Variants in DENND1B observed in about 807,000 individuals in gnomAD.
DENND1B encodes DENN domain containing 1B, also known as DENN domain-containing protein 1B.
DENND1B carries 59 observed loss-of-function variants against 90.1 expected under a neutral mutation model. The observed-to-expected ratio is 0.65, with a 90% CI of 0.53 to 0.81. The LOEUF (loss-of-function observed/expected upper bound fraction) is 0.81, where lower values mean the gene tolerates loss of function less well. DENND1B is among the 40% of genes least tolerant of loss of function. DENND1B has a pLI of 0.00. For synonymous variants in DENND1B, 337 were observed against 324.6 expected, an observed-to-expected ratio of 1.04 and a Z score of -0.41; for missense variants, 862 against 912.6, an observed-to-expected ratio of 0.94 and a Z score of 0.71.
At chr1:197,605,391 A>G (rs965496760) in intron 13 of DENND1B, 2 of 151,072 alleles carry the variant, frequency 1.3e-5, no homozygotes, top group Non-Finnish European at 3.0e-5. Context: ...ATAAAATTTC[A>G]AAGATTATTT....
At chr1:197,682,722 G>A (rs1463378043) in intron 3 of DENND1B, among the ~76,000 whole-genome samples, 1 of 152,140 alleles carries the variant, frequency 6.6e-6, no homozygotes, top group Non-Finnish European at 1.5e-5. Flanking sequence ...AAAGAGCGGT[G>A]GAGGGGAAGT....
rs1224392973 is a variant in DENND1B at position 197,772,812 on chromosome 1, A to T, written c.82+56T>A. ...TGCACAGCCTGAGGAACAGAATGAG[A>T]TCTTGTCCCAAAAAAAAGAGACCTT... On this transcript the variant is annotated intron_variant, in intron 2 of 22. Coordinates refer to ENST00000620048, the MANE Select transcript of DENND1B (RefSeq NM_001195215.2). The T allele has an allele frequency of 6.9e-6, 10 of 1,439,378 alleles. No homozygotes were observed. In the African/African-American group the frequency reaches 1.3e-4, roughly 19 times the overall value. 89.2% of individuals were successfully genotyped at this position (1,439,378 alleles called of 1,614,324 possible).
chr1:197,763,134 G>T lies in DENND1B; in HGVS notation c.82+9734C>A, dbSNP rs180855389. On this transcript the variant is annotated intron_variant, in intron 2 of 22. Coordinates refer to ENST00000620048, the MANE Select transcript of DENND1B (RefSeq NM_001195215.2). ...AAGACCAGCCTCCACAACAGAGTGA[G>T]ACCCCATCTGTACAAAAAATGTAAA... Among the ~76,000 whole-genome samples the T allele has an allele frequency of 1.1e-3, 173 of 152,208 alleles. 1 individual carries two copies. The highest frequency in any genetic ancestry group is 4.0e-3 in the African/African-American group (166 of 41,522).
At chr1:197,770,239 C>T (rs182927169) in intron 2 of DENND1B, among the ~76,000 whole-genome samples, 1 of 152,044 alleles carries the variant, frequency 6.6e-6, no homozygotes, top group Admixed American at 6.5e-5. Flanking sequence ...TTTACTTTAA[C>T]CATTTATCAT....
At chr1:197,630,443 T>C (rs1271574546) in intron 10 of DENND1B, among the ~76,000 whole-genome samples, 1 of 152,108 alleles carries the variant, frequency 6.6e-6, no homozygotes, top group East Asian at 1.9e-4. Context: ...ATTGCATTTA[T>C]GAGGGCTCAT....
Position 197,512,917 on chromosome 1 carries a change from C to A in DENND1B, c.1552G>T (p.Ala518Ser), listed in dbSNP as rs1571688416. 1 of 1,610,588 alleles carries A rather than the reference C, an allele frequency of 6.2e-7. No individual in the cohort carries two copies. Reference sequence around the variant, plus strand: ...TCATCATCTTCATCATCATATAGAGCACCATCAAGGCTCTTAAGAGGCCTT... The same window carrying A: ...TCATCATCTTCATCATCATATAGAGAACCATCAAGGCTCTTAAGAGGCCTT... ...LKRPLKSLDG[A>S]LYDDEDDDDI... is the part of the protein sequence containing the mutation. The change falls in exon 21 of 23, where the codon GCT becomes TCT. Residue 518 changes from alanine (A) to serine (S), a missense_variant. Physicochemically the swap from Ala to Ser is moderately conservative, Grantham distance 99 (BLOSUM62 1). Transcript: ENST00000620048.
At position 197,648,715 on chromosome 1, in the gene DENND1B, T is replaced by C. The variant is rs1225637387; in HGVS notation, c.448-1601A>G. Among the ~76,000 whole-genome samples the C allele has an allele frequency of 2.0e-5, 3 of 152,204 alleles. No homozygotes were observed. The East Asian group carries it at 5.8e-4, about 29-fold the overall frequency. On this transcript the variant is annotated intron_variant, in intron 7 of 22. Coordinates refer to ENST00000620048, the MANE Select transcript of DENND1B (RefSeq NM_001195215.2). The stretch of plus-strand genomic sequence containing the variant: ...TCCACTGACCATAAACCTTGGATTC[T>C]TTGGGCATCAATGACCTACAAGTCT...
chr1:197,767,684 T>A (rs1655863698), intron 2 of DENND1B, among the ~76,000 whole-genome samples: 1 of 152,188 alleles, frequency 6.6e-6, no homozygotes, highest in Non-Finnish European at 1.5e-5. Flanking sequence ...AATATGAAGA[T>A]GCAAATCCTA....
chr1:197,569,131 AC>A (rs745450071), intron 15 of DENND1B, among the ~76,000 whole-genome samples: 7 of 152,186 alleles, frequency 4.6e-5, no homozygotes, highest in South Asian at 4.1e-4. Flanking sequence ...TGGAAAAAAA[AC>A]ATTGATCATA....
chr1:197,738,116 CCTCT>C, intron 2 of DENND1B, among the ~76,000 whole-genome samples: 1 of 152,290 alleles, frequency 6.6e-6, no homozygotes, highest in Admixed American at 6.5e-5. Flanking sequence ...CATTTCTTCT[CCTCT>C]CTGTCACTGA....
chr1:197,753,724 C>T (rs775693433), intron 2 of DENND1B, among the ~76,000 whole-genome samples: 6 of 152,016 alleles, frequency 3.9e-5, no homozygotes, highest in Non-Finnish European at 7.4e-5. Context: ...TCGATGGCCA[C>T]GCGCGGTGGC....
At chr1:197,596,587 T>A (rs1352635954) in intron 13 of DENND1B, among the ~76,000 whole-genome samples, 1 of 151,878 alleles carries the variant, frequency 6.6e-6, no homozygotes, top group Non-Finnish European at 1.5e-5. Flanking sequence ...CCTTTTTAGG[T>A]ATATATGTGC....
At chr1:197,596,495 G>A (rs528790678) in intron 13 of DENND1B, among the ~76,000 whole-genome samples, 2 of 151,824 alleles carry the variant, frequency 1.3e-5, no homozygotes, top group South Asian at 2.1e-4. Flanking sequence ...AAACTGGTAC[G>A]ACAAATTTTG....
intron 10 of DENND1B, among the ~76,000 whole-genome samples, chr1:197,628,204 G>C (rs1057380179): frequency 6.6e-6 from 1 of 152,100 alleles, no homozygotes; most frequent in African/African-American, 2.4e-5. Context: ...CCAAAAAAGA[G>C]CCCGCATCGC....
intron 15 of DENND1B, among the ~76,000 whole-genome samples, chr1:197,573,117 G>A (rs559480855): frequency 6.6e-6 from 1 of 152,006 alleles, no homozygotes; most frequent in Admixed American, 6.6e-5. Context: ...TTTTTTGAAG[G>A]GTTTTTTTGG....
intron 15 of DENND1B, among the ~76,000 whole-genome samples, chr1:197,566,724 C>T: frequency 6.6e-6 from 1 of 151,476 alleles, no homozygotes; most frequent in Admixed American, 6.6e-5. Flanking sequence ...GTCTACAACA[C>T]AAGAAGGAGC....
intron 6 of DENND1B, 69 bp from the exon 7 acceptor site, chr1:197,652,384 G>A: frequency 8.1e-7 from 1 of 1,234,134 alleles, no homozygotes; most frequent in Non-Finnish European, 1.1e-6. Flanking sequence ...AAAACTATTT[G>A]ATAAAATAAT....
intron 10 of DENND1B, among the ~76,000 whole-genome samples, chr1:197,629,430 G>C (rs1558327270): frequency 6.8e-6 from 1 of 147,008 alleles, no homozygotes; most frequent in Non-Finnish European, 1.5e-5. Flanking sequence ...CGCAAGGACA[G>C]AAAACCAAAC....
chr1:197,522,283 G>A lies in DENND1B; in HGVS notation c.1516-9330C>T, dbSNP rs554362722. On this transcript the variant is annotated intron_variant, in intron 20 of 22. Coordinates refer to ENST00000620048, the MANE Select transcript of DENND1B (RefSeq NM_001195215.2). ...AGATACGTATTTGGTGAAGTCTGAT[G>A]AATTCAGTTGATTAAGGGCTGTTAT... Among the ~76,000 whole-genome samples the A allele has an allele frequency of 2.6e-5, 4 of 152,176 alleles. No homozygotes were observed. In the South Asian group the frequency reaches 8.3e-4, roughly 32 times the overall value.
Sources: gnomAD v4.1 joint callset for allele counts (sites outside exome capture counted in the v4.1 genomes callset) on GRCh38, gnomAD v4.1.1 for gene constraint, MANE v1.5 for transcripts, NCBI Gene and HGNC (gene_info 2026-07-23, HGNC 2026-07-21) for gene names.